Variants in UGT2B4 observed in about 807,000 individuals in gnomAD.
UGT2B4 encodes the protein UDP glucuronosyltransferase family 2 member B4.
A neutral mutation model predicts 49.8 loss-of-function variants in UGT2B4; 49 were observed. That is an observed-to-expected ratio of 0.98 (90% CI 0.78 to 1.25). The LOEUF is 1.25. Among genes scored for constraint, UGT2B4 ranks in the 50% most tolerant of loss-of-function variants. The probability of loss-of-function intolerance (pLI) is 0.00; values close to 1 mark genes in which losing one functional copy is unlikely to be tolerated. For synonymous variants in UGT2B4, 246 were observed against 217.7 expected (o/e 1.13, Z -1.14); for missense variants, 729 against 627.7 (o/e 1.16, Z -1.73).
rs553321495 is a variant in UGT2B4, at chr4:69,506,163, G to A, written c.-105-10197C>T. On this transcript the variant is annotated intron_variant, in intron 1 of 1. Coordinates refer to the UGT2B4 transcript ENST00000510114. ...AACAACCTGAAAATCACAACTAAAA[G>A]AACAGAGAACCAAGAGCAAAAAAAA... Among the ~76,000 whole-genome samples the A allele has an allele frequency of 6.6e-5, 10 of 151,746 alleles. 1 individual carries two copies. Among genetic ancestry groups the A allele is most frequent in the African/African-American group, 2.4e-4 (10 of 41,398 alleles).
intron 3 of UGT2B4, 111 bp from the exon 4 acceptor site, chr4:69,486,807 G>T: frequency 1.4e-6 from 1 of 727,484 alleles, no homozygotes; most frequent in Non-Finnish European, 2.3e-6. Flanking sequence ...TAAGTAACAA[G>T]AACTACTCAG....
chr4:69,489,613 C>T, intron 2 of UGT2B4, 43 bp from the exon 3 acceptor site: 1 of 1,564,204 alleles, frequency 6.4e-7, no homozygotes, highest in Admixed American at 2.1e-5. Flanking sequence ...AGATTATCAG[C>T]ACAGCAAGCA....
intron 5 of UGT2B4, among the ~76,000 whole-genome samples, chr4:69,481,380 T>A (rs1727586815): frequency 6.6e-6 from 1 of 152,220 alleles, no homozygotes; most frequent in South Asian, 2.1e-4. Context: ...AATGTGTGTA[T>A]TTTAATTTGA....
chr4:69,485,162 G>A (rs777707734), intron 5 of UGT2B4, 46 bp downstream of exon 5: 3 of 1,597,996 alleles, frequency 1.9e-6, no homozygotes, highest in African/African-American at 1.3e-5. Context: ...ATTCACAAGG[G>A]AACCTATCTA....
chr4:69,487,324 CAA>C (rs1188662768), intron 3 of UGT2B4, among the ~76,000 whole-genome samples: 1 of 152,074 alleles, frequency 6.6e-6, no homozygotes, highest in Non-Finnish European at 1.5e-5. Context: ...TTCACCATAG[CAA>C]AGACATGAAA....
At chr4:69,518,203 T>C (rs891294350) in intron 1 of UGT2B4, 1 of 154,352 alleles carries the variant, frequency 6.5e-6, no homozygotes, top group Non-Finnish European at 1.4e-5. Context: ...AGGCTTCCCA[T>C]AGTCAATGAA....
intron 1 of UGT2B4, among the ~76,000 whole-genome samples, chr4:69,519,792 A>G (rs1420502088): frequency 1.3e-5 from 2 of 152,198 alleles, no homozygotes. Flanking sequence ...TAATTCCTCT[A>G]CTCACCTGAG....
chr4:69,495,785 A>C lies in UGT2B4; in HGVS notation c.77T>G (p.Val26Gly), dbSNP rs577684649. ...CYFSSGSCGK[V>G]LVWPTEFSHW... ...GCTGAATTCTGTGGGCCACACCAGC[A>C]CCTTTCCACAACTCCCAGAGCTAAA... The change falls in exon 1 of 6, where the codon GTG becomes GGG. Residue 26 changes from valine (V) to glycine (G), a missense_variant. Transcript: ENST00000305107. 1.9e-6 allele frequency: 3 copies of C among 1,613,752 alleles called. No individual in the cohort carries two copies. The highest frequency in any genetic ancestry group is 2.5e-6 in the Non-Finnish European group (3 of 1,179,856).
chr4:69,493,098 T>A (rs1328745983), intron 2 of UGT2B4, among the ~76,000 whole-genome samples: 1 of 152,020 alleles, frequency 6.6e-6, no homozygotes, highest in Non-Finnish European at 1.5e-5. Flanking sequence ...AAACTAAACT[T>A]TGAGTCTTGA....
chr4:69,495,223 AT>A lies in UGT2B4; in HGVS notation c.638del (p.Asn213IlefsTer2), dbSNP rs751345760. 32 of 1,607,652 alleles carry A rather than the reference AT, an allele frequency of 2.0e-5. No individual in the cohort carries two copies. The East Asian group carries it at 2.5e-4, about 12-fold the overall frequency. ...DQMTFIERVK[N>X]MIYVLYFEFW... ...ATTCAAAATAAAGCACATAGATCAT[AT>A]TTTTTACCCTCTCTATGAAAGTCAT... On this transcript the variant is annotated frameshift_variant, in exon 1 of 6. Coordinates refer to ENST00000305107, the MANE Select transcript of UGT2B4 (RefSeq NM_021139.3). LOFTEE classifies it high-confidence loss of function.
In UGT2B4 at chr4:69,486,639, A is replaced by G; in HGVS notation, c.1060T>C (p.Tyr354His). 1 of 1,607,950 alleles carries G rather than the reference A, an allele frequency of 6.2e-7. No homozygotes were observed. The highest frequency in any genetic ancestry group is 8.5e-7 in the Non-Finnish European group (1 of 1,177,970). The change falls in exon 4 of 6, where the codon TAC (tyrosine) becomes CAC (histidine). Residue 354 changes from tyrosine (Y) to histidine (H), a missense_variant. Physicochemically the swap from Tyr to His is moderately conservative, Grantham distance 83. Coordinates refer to ENST00000305107, the MANE Select transcript of UGT2B4 (RefSeq NM_021139.3). ...AGATCATTCTGGGGTATCCACTTGT[A>G]CAGCCGAGTATTGAGTCCTAAAGTA... is the stretch of plus-strand genomic sequence containing the variant. ...PDTLGLNTRL[Y>H]KWIPQNDLLG...
rs1314997496 is a variant in UGT2B4 at position 69,480,815 on chromosome 4, C to A, written c.1406G>T (p.Arg469Leu). Residue 469 changes from arginine (R) to leucine (L), a missense_variant, in exon 6 of 6, where the codon CGC becomes CTC. Transcript: ENST00000305107. ...RAVFWIEFVMRHKGAKHLRVA... is the reference protein window; with the variant it reads ...RAVFWIEFVMLHKGAKHLRVA... ...CCGAAGGTGCTTGGCTCCTTTATGG[C>A]GCATGACAAATTCAATCCAGAAGAC... 3.1e-6 allele frequency: 5 copies of A among 1,613,650 alleles called. No individual in the cohort carries two copies. Among genetic ancestry groups the A allele is most frequent in the African/African-American group, 1.3e-5 (1 of 74,830 alleles).
upstream of UGT2B4, among the ~76,000 whole-genome samples, chr4:69,499,963 C>G (rs1159489424): frequency 1.3e-5 from 2 of 152,140 alleles, no homozygotes; most frequent in African/African-American, 4.8e-5. Context: ...CATTGCTGCA[C>G]TATGCACAAT....
At chr4:69,486,509 T>G in intron 4 of UGT2B4, 100 bp downstream of exon 4, 1 of 768,818 alleles carries the variant, frequency 1.3e-6, no homozygotes, top group Non-Finnish European at 1.9e-6. Flanking sequence ...ATTTTTAAGT[T>G]TTTCCATAAC....
At chr4:69,499,279 C>T (rs1728242046), upstream of UGT2B4, among the ~76,000 whole-genome samples, 1 of 152,060 alleles carries the variant, frequency 6.6e-6, no homozygotes, top group South Asian at 2.1e-4. Context: ...GTTTTACTTC[C>T]ATTTCTGTGA....
At chr4:69,490,911 T>A (rs916469590) in intron 2 of UGT2B4, among the ~76,000 whole-genome samples, 16 of 152,176 alleles carry the variant, frequency 1.1e-4, no homozygotes, top group African/African-American at 3.1e-4. Context: ...TAAAGTAATA[T>A]AATCCCTAAA....
intron 1 of UGT2B4, among the ~76,000 whole-genome samples, chr4:69,507,912 TAAAC>T (rs1445504584): frequency 1.3e-5 from 2 of 152,166 alleles, no homozygotes; most frequent in African/African-American, 4.8e-5. Flanking sequence ...ATCAACAGAT[TAAAC>T]AAACAACCTA....
intron 2 of UGT2B4, among the ~76,000 whole-genome samples, chr4:69,491,162 T>A (rs1727974137): frequency 6.6e-6 from 1 of 151,728 alleles, no homozygotes; most frequent in African/African-American, 2.4e-5. Flanking sequence ...ACAATTTTAT[T>A]CTGATTGTAT....
chr4:69,482,985 G>A (rs1248194641), intron 5 of UGT2B4, among the ~76,000 whole-genome samples: 2 of 151,922 alleles, frequency 1.3e-5, no homozygotes, highest in South Asian at 2.1e-4. Context: ...ACATTTGAGT[G>A]CCAACAATTT....
Sources: gnomAD v4.1 joint callset for allele counts (sites outside exome capture counted in the v4.1 genomes callset) on GRCh38, gnomAD v4.1.1 for gene constraint, MANE v1.5 for transcripts, NCBI Gene and HGNC (gene_info 2026-07-23, HGNC 2026-07-21) for gene names.